Variants in ABCC1 observed in about 807,000 individuals in gnomAD.
The protein encoded by ABCC1 is multidrug resistance-associated protein 1.
A neutral mutation model predicts 172.9 loss-of-function variants in ABCC1; 83 were observed. That is an observed-to-expected ratio of 0.48 (90% CI 0.40 to 0.58). ABCC1 has a LOEUF of 0.58. Among genes scored for constraint, ABCC1 ranks in the 20% least tolerant of loss-of-function variants. The pLI is 0.00. For synonymous variants in ABCC1, 937 were observed against 825.2 expected (o/e 1.14, Z -2.32); for missense variants, 1,817 against 2,002.7 (o/e 0.91, Z 1.77).
chr16:15,983,688 T>G (rs1273760450), intron 1 of ABCC1, among the ~76,000 whole-genome samples: 1 of 151,724 alleles, frequency 6.6e-6, no homozygotes. Flanking sequence ...CCGGAGTAGC[T>G]GGGACTACAG....
At chr16:16,001,588 A>G (rs4780585) in intron 1 of ABCC1, among the ~76,000 whole-genome samples, 69,082 of 151,976 alleles carry the variant, frequency 0.45, 17,764 homozygotes, top group Non-Finnish European at 0.59. Flanking sequence ...CTATTTATTA[A>G]TGCAAATATC....
chr16:16,128,272 G>C (rs1463820814), intron 26 of ABCC1, among the ~76,000 whole-genome samples: 2 of 152,040 alleles, frequency 1.3e-5, no homozygotes, highest in Non-Finnish European at 2.9e-5. Context: ...CCTTCTCCTG[G>C]GTTCAAGCGA....
chr16:16,136,013 CTTTTTT>C (rs71137916), intron 28 of ABCC1, among the ~76,000 whole-genome samples: 76 of 146,988 alleles, frequency 5.2e-4, no homozygotes, highest in African/African-American at 1.8e-3. Context: ...ACTTTCCAGA[CTTTTTT>C]TTTTTTTTCC....
intron 24 of ABCC1, among the ~76,000 whole-genome samples, chr16:16,122,711 TA>T (rs34383577): frequency 0.23 from 26,819 of 116,206 alleles, 3,271 homozygotes; most frequent in East Asian, 0.39. Flanking sequence ...CCATCTCTCT[TA>T]AAAAAAAAAA....
At chr16:16,134,205 TG>T in intron 27 of ABCC1, 144 bp from the exon 28 acceptor site, 1 of 973,968 alleles carries the variant, frequency 1.0e-6, no homozygotes, top group Non-Finnish European at 1.6e-6. Flanking sequence ...GGAGTGTCTC[TG>T]GGCAGCGCGC....
chr16:16,033,508 CT>C (rs2048630344), intron 6 of ABCC1, among the ~76,000 whole-genome samples: 1 of 152,190 alleles, frequency 6.6e-6, no homozygotes. Flanking sequence ...CATTGTCCCC[CT>C]CCTGTCCCCC....
intron 10 of ABCC1, among the ~76,000 whole-genome samples, chr16:16,050,805 A>G (rs1012741821): frequency 2.0e-5 from 3 of 150,764 alleles, no homozygotes; most frequent in Non-Finnish European, 4.4e-5. Context: ...GTGGAGGCTG[A>G]GGCAGGAGGA....
intron 1 of ABCC1, among the ~76,000 whole-genome samples, chr16:15,973,447 A>G (rs9921168): frequency 0.012 from 1,849 of 152,158 alleles, 35 homozygotes; most frequent in African/African-American, 0.042. Flanking sequence ...CCATAATGAA[A>G]AATCCTCTGG....
intron 26 of ABCC1, among the ~76,000 whole-genome samples, chr16:16,131,084 G>A (rs1427935305): frequency 1.3e-5 from 2 of 152,052 alleles, no homozygotes; most frequent in Non-Finnish European, 2.9e-5. Flanking sequence ...TCATGCCATT[G>A]CACTCCAGCC....
At chr16:15,998,419 G>A (rs964627058) in intron 1 of ABCC1, among the ~76,000 whole-genome samples, 2 of 152,182 alleles carry the variant, frequency 1.3e-5, no homozygotes, top group Non-Finnish European at 2.9e-5. Context: ...GAGCCACTGT[G>A]CCCGGTCCTC....
intron 23 of ABCC1, among the ~76,000 whole-genome samples, chr16:16,120,738 T>A (rs1378830193): frequency 1.3e-5 from 2 of 150,026 alleles, no homozygotes; most frequent in Non-Finnish European, 3.0e-5. Flanking sequence ...AAGGGGAGAG[T>A]TACAGGATGA....
intron 1 of ABCC1, among the ~76,000 whole-genome samples, chr16:15,983,336 T>C (rs2046670862): frequency 6.6e-6 from 1 of 152,064 alleles, no homozygotes; most frequent in Non-Finnish European, 1.5e-5. Context: ...GTTGTGGGGA[T>C]TGTGATCCAT....
intron 19 of ABCC1, among the ~76,000 whole-genome samples, chr16:16,097,759 G>A (rs1041411709): frequency 1.4e-4 from 21 of 152,194 alleles, no homozygotes; most frequent in Non-Finnish European, 2.8e-4. Context: ...TGTCTGTCGG[G>A]TGTGTACAGA....
rs2230669 is a variant in ABCC1 at position 16,044,456 on chromosome 16, G to A, written c.816G>A (p.Pro272=). The A allele has an allele frequency of 0.054, 86,925 of 1,612,626 alleles. 2,668 individuals carry two copies. Among genetic ancestry groups the A allele is most frequent in the Middle Eastern group, 0.092 (549 of 5,966 alleles). The stretch of plus-strand genomic sequence containing the variant: ...TCACCTCCTTGTGTTCCAGGCAGCC[G>A]GTGAAGGTTGTGTACTCCTCCAAGG... ...KKECAKTRKQ[P]VKVVYSSKDP... Residue 272 remains proline (P), a synonymous_variant, in exon 8 of 31, where the codon CCG becomes CCA. Coordinates refer to ENST00000399410, the MANE Select transcript of ABCC1 (RefSeq NM_004996.4).
At chr16:16,009,555 G>A (rs780630545) in intron 2 of ABCC1, among the ~76,000 whole-genome samples, 9 of 152,146 alleles carry the variant, frequency 5.9e-5, no homozygotes, top group East Asian at 1.9e-4. Flanking sequence ...GTAGTGGGGC[G>A]TAGCAGGCTG....
intron 22 of ABCC1, 64 bp from the exon 23 acceptor site, chr16:16,114,702 C>T: frequency 6.7e-7 from 1 of 1,488,104 alleles, no homozygotes; most frequent in Non-Finnish European, 9.0e-7. Context: ...ATGGCCACTC[C>T]TCCCTGCAGT....
At chr16:16,066,053 C>T (rs935015555) in intron 12 of ABCC1, among the ~76,000 whole-genome samples, 1 of 152,144 alleles carries the variant, frequency 6.6e-6, no homozygotes, top group African/African-American at 2.4e-5. Context: ...AGCCCTGTAC[C>T]TGTTACCAGT....
chr16:16,042,424 C>T (rs1407902603), intron 7 of ABCC1, among the ~76,000 whole-genome samples: 3 of 152,008 alleles, frequency 2.0e-5, no homozygotes, highest in Non-Finnish European at 4.4e-5. Flanking sequence ...AACTATTGGC[C>T]GGGCACAGTG....
chr16:16,047,743 A>G (rs908290891), intron 9 of ABCC1, among the ~76,000 whole-genome samples: 3 of 152,066 alleles, frequency 2.0e-5, no homozygotes, highest in African/African-American at 7.2e-5. Context: ...TGGGACCAGT[A>G]GCACTGACAC....
Sources: allele counts gnomAD v4.1 joint callset (sites outside exome capture counted in the v4.1 genomes callset), GRCh38; gene constraint gnomAD v4.1.1; transcripts MANE v1.5; gene names NCBI Gene and HGNC (gene_info 2026-07-23, HGNC 2026-07-21).